Variants in SRCAP observed in about 807,000 individuals in gnomAD.
SRCAP encodes the protein Snf2 related CREBBP activator protein.
Under a neutral mutation model 263.1 loss-of-function variants are expected in SRCAP, and 46 were observed. That is an observed-to-expected ratio of 0.17 (90% CI 0.14 to 0.22). The LOEUF (loss-of-function observed/expected upper bound fraction) is 0.22. Among genes scored for constraint, SRCAP ranks in the 10% least tolerant of loss-of-function variants. The pLI, the probability that SRCAP is intolerant of heterozygous loss-of-function variation, is 1.00. For synonymous variants in SRCAP, 1,813 were observed against 1,662.1 expected (o/e 1.09, Z -2.21); for missense variants, 3,695 against 4,181.9 (o/e 0.88, Z 3.21).
At position 30,737,566 on chromosome 16, in the gene SRCAP, C is replaced by A; in HGVS notation, c.7526C>A (p.Pro2509Gln). ...CTPPPACTPP[P>Q]AHTPPPAQTC... ...CCTCCTCCTGCCTGTACCCCTCCAC[C>A]AGCTCATACACCGCCTCCAGCCCAA... Residue 2509 changes from proline (P) to glutamine (Q), a missense_variant, in exon 34 of 34, where the codon CCA becomes CAA. By Grantham distance (76) the Pro-to-Gln change is moderately conservative. Transcript: ENST00000262518. 2 of 1,614,072 alleles carry A rather than the reference C, an allele frequency of 1.2e-6. No homozygotes were observed. The highest frequency in any genetic ancestry group is 2.2e-5 in the South Asian group (2 of 91,086).
chr16:30,732,765 G>GT (rs1398365789), intron 27 of SRCAP, among the ~76,000 whole-genome samples: 1 of 152,208 alleles, frequency 6.6e-6, no homozygotes, highest in East Asian at 1.9e-4. Context: ...ACTCCAAGAA[G>GT]TTAGATTCTA....
intron 10 of SRCAP, among the ~76,000 whole-genome samples, chr16:30,711,291 A>T (rs1433274357): frequency 1.3e-5 from 2 of 152,194 alleles, no homozygotes; most frequent in African/African-American, 4.8e-5. Context: ...TGTGGGAGTG[A>T]AATGGAGGGA....
intron 14 of SRCAP, 35 bp from the exon 15 acceptor site, chr16:30,713,173 C>T (rs748097524): frequency 3.1e-6 from 5 of 1,605,378 alleles, no homozygotes; most frequent in East Asian, 2.2e-5. Context: ...TCTTTTCATC[C>T]CACTATCTGC....
At position 30,724,942 on chromosome 16, in the gene SRCAP, C is replaced by T. The variant is rs531238169; in HGVS notation, c.5518C>T (p.Arg1840Trp). Residue 1840 changes from arginine to tryptophan, a missense_variant, in exon 25 of 34, where the codon CGG (arginine) becomes TGG (tryptophan). Coordinates refer to ENST00000262518, the MANE Select transcript of SRCAP (RefSeq NM_006662.3). ...TCCCTTGCCTGTCACCATGGTATCC[C>T]GGCTGCCTGTTTCCAAGGATGAGCC... Reference protein sequence around the residue: ...AAPLPVTMVSRLPVSKDEPDT... With the variant: ...AAPLPVTMVSWLPVSKDEPDT... The T allele has an allele frequency of 1.3e-4, 203 of 1,614,222 alleles. No individual in the cohort carries two copies. The highest frequency in any genetic ancestry group is 6.6e-4 in the Middle Eastern group (4 of 6,062).
intron 3 of SRCAP, among the ~76,000 whole-genome samples, chr16:30,702,523 C>T (rs902349966): frequency 3.3e-5 from 5 of 150,940 alleles, no homozygotes; most frequent in African/African-American, 4.9e-5. Context: ...TGTGAGCCAC[C>T]GTGCCCAGCC....
Position 30,720,338 on chromosome 16 carries a change from G to T in SRCAP, c.2987+7G>T, listed in dbSNP as rs1263123979. The T allele has an allele frequency of 6.2e-7, 1 of 1,608,070 alleles. No individual in the cohort carries two copies. The highest frequency in any genetic ancestry group is 1.7e-5 in the Admixed American group (1 of 59,746). On this transcript the variant is annotated splice_region_variant and intron_variant, in intron 19 of 33. Coordinates refer to ENST00000262518, the MANE Select transcript of SRCAP (RefSeq NM_006662.3). ...TCAAGATGAAGGTCAACAGGTACAA[G>T]GACTAAGGAATGAGGGGATGGTTCC... is the stretch of plus-strand genomic sequence containing the variant.
rs578118174 is a variant in SRCAP, at chr16:30,710,773, C to G, written c.1154C>G (p.Ala385Gly). Residue 385 changes from alanine (A) to glycine (G), a missense_variant, in exon 9 of 34, where the codon GCT (alanine) becomes GGT (glycine). Transcript: ENST00000262518. ...ATACAGATAAAGCCCCCACCCTCTG[C>G]TGTCACACAGCGCAACAAACAGCCT... ...QVLEIKPPPS[A>G]VTQRNKQPWH... is the part of the protein sequence containing the mutation. 6.2e-7 allele frequency: 1 copy of G among 1,614,222 alleles called. No homozygotes were observed. The highest frequency in any genetic ancestry group is 1.1e-5 in the South Asian group (1 of 91,086).
At chr16:30,736,085 C>A in intron 31 of SRCAP, 115 bp from the exon 32 acceptor site, 1 of 1,273,234 alleles carries the variant, frequency 7.9e-7, no homozygotes, top group Non-Finnish European at 1.1e-6. Context: ...TTGTTGAGTT[C>A]TGTTGCAAAC....
At chr16:30,702,937 A>G (rs1359741217) in intron 3 of SRCAP, among the ~76,000 whole-genome samples, 1 of 151,772 alleles carries the variant, frequency 6.6e-6, no homozygotes, top group Non-Finnish European at 1.5e-5. Context: ...TGGGTGTTTG[A>G]GAACATTGGC....
At chr16:30,714,146 G>A (rs2052921468) in intron 16 of SRCAP, among the ~76,000 whole-genome samples, 1 of 149,174 alleles carries the variant, frequency 6.7e-6, no homozygotes, top group African/African-American at 2.5e-5. Context: ...CTCACTGCAA[G>A]CTTTGCCTCC....
At position 30,733,228 on chromosome 16, in the gene SRCAP, C is replaced by T; in HGVS notation, c.6128-52C>T. ...CCCCAGCCTTGCATTGCTAAGCATT[C>T]TACCCATTGCGGCTTGTAGCTAGCT... On this transcript the variant is annotated intron_variant, in intron 27 of 33. Coordinates refer to ENST00000262518, the MANE Select transcript of SRCAP (RefSeq NM_006662.3). The surrounding 1 kb of genome is among the most constrained non-coding windows in gnomAD (Gnocchi z 5.3). The T allele has an allele frequency of 6.3e-7, 1 of 1,587,700 alleles. No individual in the cohort carries two copies. The highest frequency in any genetic ancestry group is 8.6e-7 in the Non-Finnish European group (1 of 1,165,954).
intron 27 of SRCAP, among the ~76,000 whole-genome samples, chr16:30,731,559 G>A (rs2053114916): frequency 6.6e-6 from 1 of 152,200 alleles, no homozygotes; most frequent in South Asian, 2.1e-4. Context: ...TAGATGAACT[G>A]AAAGTCTTGG....
chr16:30,700,810 C>G lies in SRCAP; in HGVS notation c.-15C>G, dbSNP rs368667241. On this transcript the variant is annotated 5_prime_UTR_variant, in exon 3 of 34. Transcript: ENST00000262518. ...CATTCTTCAGGCATCCAAGGGGGAG[C>G]CTGGGAGTGGGACCATGCAGAGCAG... The G allele has an allele frequency of 6.2e-7, 1 of 1,613,302 alleles. No individual in the cohort carries two copies. Among genetic ancestry groups the G allele is most frequent in the Non-Finnish European group, 8.5e-7 (1 of 1,179,384 alleles).
chr16:30,719,223 T>TTTTTA (rs1491569188), intron 18 of SRCAP, among the ~76,000 whole-genome samples: 14 of 214 alleles, frequency 0.065, no homozygotes, highest in East Asian at 0.5. Flanking sequence ...TTTATTTTTA[T>TTTTTA]TTTTTTTTTT....
In SRCAP at chr16:30,723,780, G is replaced by A. The variant is rs551651460; in HGVS notation, c.4356G>A (p.Ser1452=). 4.3e-6 allele frequency: 7 copies of A among 1,613,222 alleles called. No homozygotes were observed. The highest frequency in any genetic ancestry group is 2.2e-5 in the East Asian group (1 of 44,838). The change falls in exon 25 of 34, where the codon TCG becomes TCA. Residue 1452 remains serine, a synonymous_variant. Transcript: ENST00000262518. ...CCACCACACTTCCTGCCCCAGCCTC[G>A]GCTCCACTCACCATCCCCATCTCAG... The part of the protein sequence containing the change: ...SVPTTLPAPA[S]APLTIPISAP...
intron 14 of SRCAP, 43 bp downstream of exon 14, chr16:30,712,858 C>T: frequency 1.9e-6 from 3 of 1,602,880 alleles, no homozygotes; most frequent in Non-Finnish European, 2.6e-6. Context: ...TTGATGCCTC[C>T]TTTATTTTTA....
intron 18 of SRCAP, among the ~76,000 whole-genome samples, chr16:30,718,190 G>C (rs573541581): frequency 3.1e-4 from 47 of 150,810 alleles, no homozygotes; most frequent in Non-Finnish European, 5.5e-4. Context: ...TTTTTTGGGT[G>C]GGGGGGGCAG....
At chr16:30,734,701 G>A (rs2053143063) in intron 31 of SRCAP, 86 bp downstream of exon 31, 1 of 1,573,780 alleles carries the variant, frequency 6.4e-7, no homozygotes, top group Non-Finnish European at 8.7e-7. Flanking sequence ...CTTGTCCAGG[G>A]GAAAGAGATG....
In SRCAP at chr16:30,711,602, G is replaced by C; in HGVS notation, c.1350G>C (p.Gln450His). ...TTTCCATGGAGGAGCTATTGCAGCA[G>C]TATGCAGGAGCCTATGCCCCAGGCT... ...GELSMEELLQQYAGAYAPGSG... is the reference protein window; with the variant it reads ...GELSMEELLQHYAGAYAPGSG... The change falls in exon 11 of 34, where the codon CAG becomes CAC. Residue 450 changes from glutamine (Q) to histidine (H), a missense_variant. By Grantham distance (24) the Gln-to-His change is conservative. This residue lies in a region of SRCAP where 288 missense variants were observed against 302.4 expected (regional missense o/e 0.95). Transcript: ENST00000262518. The C allele has an allele frequency of 2.5e-5, 40 of 1,606,190 alleles. No individual in the cohort carries two copies. Among genetic ancestry groups the C allele is most frequent in the Non-Finnish European group, 3.3e-5 (39 of 1,177,488 alleles).
Sources: allele counts gnomAD v4.1 joint callset (sites outside exome capture counted in the v4.1 genomes callset), GRCh38; gene constraint gnomAD v4.1.1; regional missense constraint gnomAD v4.1.1; non-coding constraint Gnocchi (gnomAD v3.1); transcripts MANE v1.5; gene names NCBI Gene and HGNC (gene_info 2026-07-23, HGNC 2026-07-21).